DIAPH3: variants seen among roughly 807,000 people sequenced by gnomAD.
DIAPH3 encodes protein diaphanous homolog 3.
A neutral mutation model predicts 144.3 loss-of-function variants in DIAPH3; 117 were observed. The ratio of observed to expected loss-of-function variants is 0.81; its 90% confidence interval spans 0.70 to 0.95. The LOEUF (loss-of-function observed/expected upper bound fraction) is 0.95, where lower values mean the gene tolerates loss of function less well. Among genes scored for constraint, DIAPH3 ranks in the 40% least tolerant of loss-of-function variants. The pLI is 0.00. For missense variants in DIAPH3, 1,421 were observed against 1,412.7 expected (o/e 1.01, Z -0.09); for synonymous variants, 519 against 488.9 (o/e 1.06, Z -0.81).
At chr13:59,772,043 T>A (rs1429624967) in intron 27 of DIAPH3, among the ~76,000 whole-genome samples, 1 of 152,036 alleles carries the variant, frequency 6.6e-6, no homozygotes, top group Non-Finnish European at 1.5e-5. Flanking sequence ...GACATCAATT[T>A]TAAGTATATA....
intron 3 of DIAPH3, 43 bp downstream of exon 3, chr13:60,111,967 A>T (rs1444173305): frequency 2.5e-6 from 4 of 1,599,234 alleles, no homozygotes; most frequent in Non-Finnish European, 3.4e-6. Context: ...GCAAAAGCTA[A>T]GGCTTTTTCC....
intron 8 of DIAPH3, 82 bp downstream of exon 8, chr13:60,010,451 C>A: frequency 7.3e-7 from 1 of 1,365,500 alleles, no homozygotes; most frequent in Admixed American, 2.0e-5. Flanking sequence ...AAATTCTAGC[C>A]TAGAGTAGAT....
At chr13:60,079,063 GT>G (rs1238052324) in intron 4 of DIAPH3, among the ~76,000 whole-genome samples, 1 of 152,052 alleles carries the variant, frequency 6.6e-6, no homozygotes, top group African/African-American at 2.4e-5. Context: ...AATATGCTCT[GT>G]TTTTGATTCA....
rs140084500 is a variant in DIAPH3 at position 59,687,557 on chromosome 13, G to T, written c.3320-20711C>A. On this transcript the variant is annotated intron_variant, in intron 27 of 27. Transcript: ENST00000400324. ...TTTTATGAGGCTAAGAATACAGGAA[G>T]TAGAGTTTTAACCCTTTTGATAAGA... 2.2e-3 allele frequency among the ~76,000 whole-genome samples: 340 copies of T among 152,162 alleles called. 1 individual carries two copies. Among genetic ancestry groups the T allele is most frequent in the African/African-American group, 7.7e-3 (318 of 41,530 alleles).
At chr13:60,160,412 A>G (rs1337918704) in intron 1 of DIAPH3, among the ~76,000 whole-genome samples, 1 of 152,240 alleles carries the variant, frequency 6.6e-6, no homozygotes, top group East Asian at 1.9e-4. Flanking sequence ...CCACCAATTT[A>G]CAGGCTCCCT....
At chr13:59,696,369 T>C (rs548907596) in intron 27 of DIAPH3, among the ~76,000 whole-genome samples, 1 of 152,368 alleles carries the variant, frequency 6.6e-6, no homozygotes, top group South Asian at 2.1e-4. Context: ...GTTGCTATGA[T>C]TACAGTATAA....
chr13:60,039,149 T>C (rs1345098283), intron 5 of DIAPH3, among the ~76,000 whole-genome samples: 1 of 151,956 alleles, frequency 6.6e-6, no homozygotes, highest in Non-Finnish European at 1.5e-5. Context: ...AGCATACTGA[T>C]TTTCACATAA....
In DIAPH3 at chr13:59,774,843, G is replaced by C. The variant is rs771830933; in HGVS notation, c.3164-20C>G. ...CACCCTCTGTGAAAAGAGATGCAGG[G>C]AATTCCATCAGCCCTCAGGGTTACC... On this transcript the variant is annotated intron_variant, in intron 25 of 27. Coordinates refer to ENST00000400324, the MANE Select transcript of DIAPH3 (RefSeq NM_001042517.2). 2 of 1,597,942 alleles carry C rather than the reference G, an allele frequency of 1.3e-6. No individual in the cohort carries two copies. Among genetic ancestry groups the C allele is most frequent in the South Asian group, 2.2e-5 (2 of 90,728 alleles).
intron 17 of DIAPH3, among the ~76,000 whole-genome samples, chr13:59,946,669 CTACT>C (rs1297237069): frequency 6.6e-6 from 1 of 152,144 alleles, no homozygotes; most frequent in Non-Finnish European, 1.5e-5. Flanking sequence ...CCATGCTTAC[CTACT>C]TAGACAGCTA....
intron 27 of DIAPH3, among the ~76,000 whole-genome samples, chr13:59,745,333 T>C (rs946422913): frequency 7.9e-5 from 12 of 152,226 alleles, no homozygotes; most frequent in African/African-American, 2.9e-4. Context: ...ACCAAAGTTT[T>C]AGCAATTTCT....
intron 1 of DIAPH3, among the ~76,000 whole-genome samples, chr13:60,158,088 G>C (rs1054486613): frequency 6.6e-6 from 1 of 152,124 alleles, no homozygotes; most frequent in African/African-American, 2.4e-5. Flanking sequence ...TATGCAAAAA[G>C]CTACAAAAAA....
chr13:59,927,776 T>C (rs540812906), intron 17 of DIAPH3, among the ~76,000 whole-genome samples: 266 of 152,358 alleles, frequency 1.7e-3, no homozygotes, highest in African/African-American at 5.9e-3. Flanking sequence ...TTCTCTTATA[T>C]GTGACTTGAC....
At chr13:59,743,584 T>TA in intron 27 of DIAPH3, among the ~76,000 whole-genome samples, 1 of 152,152 alleles carries the variant, frequency 6.6e-6, no homozygotes, top group Non-Finnish European at 1.5e-5. Context: ...AAAGTGCAAA[T>TA]ATTCCTTTTC....
rs1015438037 is a variant in DIAPH3, at chr13:59,889,351, C to T, written c.2368-9883G>A. Reference sequence around the variant, plus strand: ...AAAATAATCACTATAAAACTGCCTTCGAATTTCACTGACTCCTCTGCCATC... The same window carrying T: ...AAAATAATCACTATAAAACTGCCTTTGAATTTCACTGACTCCTCTGCCATC... On this transcript the variant is annotated intron_variant, in intron 20 of 27. Transcript: ENST00000400324. Among the ~76,000 whole-genome samples, 10 of 152,118 alleles carry T rather than the reference C, an allele frequency of 6.6e-5. No homozygotes were observed. The East Asian group carries it at 1.7e-3, about 26-fold the overall frequency.
At chr13:59,874,439 T>A (rs1236560018) in intron 21 of DIAPH3, among the ~76,000 whole-genome samples, 4 of 152,278 alleles carry the variant, frequency 2.6e-5, no homozygotes, top group Admixed American at 2.6e-4. Context: ...TTTCTACTTT[T>A]TGCTTATAAA....
intron 27 of DIAPH3, among the ~76,000 whole-genome samples, chr13:59,770,438 A>C (rs530916622): frequency 2.0e-5 from 3 of 152,268 alleles, no homozygotes; most frequent in South Asian, 4.1e-4. Context: ...GATGAAACTC[A>C]TGAGTACTGT....
At chr13:59,851,336 T>C (rs994508430) in intron 22 of DIAPH3, among the ~76,000 whole-genome samples, 2 of 152,156 alleles carry the variant, frequency 1.3e-5, no homozygotes, top group Admixed American at 6.5e-5. Context: ...CCTGGAATAG[T>C]CTTCTCTCAA....
intron 18 of DIAPH3, among the ~76,000 whole-genome samples, chr13:59,921,011 TAA>T (rs2047482082): frequency 6.6e-6 from 1 of 151,078 alleles, no homozygotes; most frequent in South Asian, 2.1e-4. Context: ...ATGAAGAAAT[TAA>T]AAGTCTTCAA....
At chr13:60,020,742 T>C (rs915375972) in intron 5 of DIAPH3, among the ~76,000 whole-genome samples, 1 of 152,222 alleles carries the variant, frequency 6.6e-6, no homozygotes, top group Non-Finnish European at 1.5e-5. Flanking sequence ...GAATAAAATA[T>C]GTTCTCTGCC....
Sources: allele counts gnomAD v4.1 joint callset (sites outside exome capture counted in the v4.1 genomes callset), GRCh38; gene constraint gnomAD v4.1.1; transcripts MANE v1.5; gene names NCBI Gene and HGNC (gene_info 2026-07-23, HGNC 2026-07-21).